The following ABR variants were observed in gnomAD, a reference collection of about 807,000 sequenced individuals.
The protein encoded by ABR is active breakpoint cluster region-related protein.
Under a neutral mutation model 107.2 loss-of-function variants are expected in ABR, and 35 were observed. The observed-to-expected ratio is 0.33, with a 90% CI of 0.25 to 0.43. ABR has a LOEUF of 0.43. ABR is among the 20% of genes least tolerant of loss of function. The probability of loss-of-function intolerance (pLI) is 1.00; values close to 1 mark genes in which losing one functional copy is unlikely to be tolerated. For synonymous variants in ABR, 498 were observed against 462.0 expected, an observed-to-expected ratio of 1.08 and a Z score of -1.00; for missense variants, 815 against 1,115.2, an observed-to-expected ratio of 0.73 and a Z score of 3.83.
chr17:1,213,877 GAT>G (rs2042949902), intron 1 of ABR, among the ~76,000 whole-genome samples: 1 of 151,930 alleles, frequency 6.6e-6, no homozygotes, highest in African/African-American at 2.4e-5. Context: ...ATTTTGGAGA[GAT>G]GTGAAATGGT....
intron 2 of ABR, among the ~76,000 whole-genome samples, chr17:1,113,001 G>A (rs1464004406): frequency 2.6e-5 from 4 of 151,954 alleles, no homozygotes; most frequent in Admixed American, 2.6e-4. Context: ...GACCCAATCA[G>A]CAAGCAGTTG....
At position 1,058,829 on chromosome 17, in the gene ABR, C is replaced by A; in HGVS notation, c.1221G>T (p.Leu407=). 1 of 1,614,158 alleles carries A rather than the reference C, an allele frequency of 6.2e-7. No individual in the cohort carries two copies. Among genetic ancestry groups the A allele is most frequent in the Non-Finnish European group, 8.5e-7 (1 of 1,180,032 alleles). The change falls in exon 11 of 23, where the codon CTG becomes CTT. Residue 407 remains leucine (L), a synonymous_variant. Coordinates refer to ENST00000302538, the MANE Select transcript of ABR (RefSeq NM_021962.5). ...NKGQSRAIER[L]KKKMFENEFL... is the part of the protein sequence containing the mutation. ...ACTCATTCTCAAACATCTTCTTCTT[C>A]AGGCGCTCGATGGCCCGGCTCTGGC...
At chr17:1,126,727 C>A (rs1054340297) in intron 1 of ABR, among the ~76,000 whole-genome samples, 3 of 152,226 alleles carry the variant, frequency 2.0e-5, no homozygotes, top group Non-Finnish European at 4.4e-5. Flanking sequence ...AGGTCACCCT[C>A]CCCATGGCAC....
chr17:1,065,732 C>G (rs1271755930), intron 10 of ABR, among the ~76,000 whole-genome samples: 4 of 141,904 alleles, frequency 2.8e-5, no homozygotes, highest in South Asian at 2.3e-4. Flanking sequence ...TTGAACTTTC[C>G]AAACCAATGC....
At chr17:1,206,297 G>A (rs968703251) in intron 1 of ABR, among the ~76,000 whole-genome samples, 11 of 152,160 alleles carry the variant, frequency 7.2e-5, no homozygotes, top group Admixed American at 2.0e-4. Context: ...GTGCACAACC[G>A]AGCATCCCTT....
At chr17:1,090,150 A>G (rs377302476) in intron 4 of ABR, among the ~76,000 whole-genome samples, 15 of 152,312 alleles carry the variant, frequency 9.8e-5, no homozygotes, top group African/African-American at 2.6e-4. Flanking sequence ...AGGACGTTTC[A>G]GGCACACGGG....
In ABR at chr17:1,011,826, G is replaced by C. The variant is rs375437072; in HGVS notation, c.2101+20C>G. The C allele has an allele frequency of 1.2e-4, 190 of 1,556,630 alleles. No homozygotes were observed. Among genetic ancestry groups the C allele is most frequent in the Non-Finnish European group, 1.6e-4 (187 of 1,144,318 alleles). On this transcript the variant is annotated intron_variant, in intron 19 of 22. Coordinates refer to ENST00000302538, the MANE Select transcript of ABR (RefSeq NM_021962.5). This position sits in a 1 kb window ranked among gnomAD's most constrained non-coding sequence, Gnocchi z 4.8. ...CTCAGACACAGCCACACCTGCCCCGGCTGGGCCTCCCAGACTCACTGGCAT... is the reference window on the plus strand; with the variant it reads ...CTCAGACACAGCCACACCTGCCCCGCCTGGGCCTCCCAGACTCACTGGCAT...
chr17:1,211,176 G>A (rs374204805), intron 1 of ABR, among the ~76,000 whole-genome samples: 1 of 152,344 alleles, frequency 6.6e-6, no homozygotes, highest in African/African-American at 2.4e-5. Flanking sequence ...CTACTCAGGA[G>A]GCTGAGGCAG....
intron 2 of ABR, among the ~76,000 whole-genome samples, chr17:1,121,897 G>T (rs1401011639): frequency 1.3e-5 from 2 of 152,166 alleles, no homozygotes; most frequent in Non-Finnish European, 2.9e-5. Context: ...CACAGCTAAA[G>T]AGTAGATTTT....
In ABR at chr17:1,040,894, C is replaced by T. The variant is rs115618275; in HGVS notation, c.1791+9156G>A. Among the ~76,000 whole-genome samples the T allele has an allele frequency of 4.4e-3, 672 of 152,330 alleles. 6 individuals are homozygous for T. The highest frequency in any genetic ancestry group is 0.015 in the African/African-American group (644 of 41,574). ...CTGTCTGGCCTCAAAACCCCGGCAA[C>T]ACTGGCTAACGATCCAAGTTCTCGT... On this transcript the variant is annotated intron_variant, in intron 16 of 22. Coordinates refer to ENST00000302538, the MANE Select transcript of ABR (RefSeq NM_021962.5).
intron 2 of ABR, among the ~76,000 whole-genome samples, chr17:1,120,453 G>A (rs2039297509): frequency 6.6e-6 from 1 of 151,926 alleles, no homozygotes; most frequent in Non-Finnish European, 1.5e-5. Context: ...TTTTGTGTAT[G>A]TTTTTAGTAG....
At position 1,224,711 on chromosome 17, in the gene ABR, G is replaced by A. The variant is rs1598155192; in HGVS notation, c.838+4082C>T. On this transcript the variant is annotated intron_variant, in intron 1 of 22. Coordinates refer to the ABR transcript ENST00000574139. ...TTTTTTAGAGACAGGGACTCGCTCT[G>A]TCACCCAGGCTGGAGTGCAGTGGCA... 2.0e-5 allele frequency among the ~76,000 whole-genome samples: 3 copies of A among 152,232 alleles called. No homozygotes were observed. In the South Asian group the frequency reaches 6.2e-4, roughly 32 times the overall value.
chr17:1,025,611 C>T (rs1019352100), intron 16 of ABR, among the ~76,000 whole-genome samples: 3 of 152,182 alleles, frequency 2.0e-5, no homozygotes, highest in African/African-American at 4.8e-5. Flanking sequence ...TGGACCTTGC[C>T]GGTTCTTTGG....
chr17:1,029,916 G>A (rs1325249120), intron 16 of ABR, among the ~76,000 whole-genome samples: 10 of 150,214 alleles, frequency 6.7e-5, no homozygotes, highest in African/African-American at 9.9e-5. Context: ...ACGTCCCTCC[G>A]TCCGCCACAG....
intron 1 of ABR, among the ~76,000 whole-genome samples, chr17:1,132,528 A>C (rs1230954394): frequency 6.6e-6 from 1 of 151,896 alleles, no homozygotes; most frequent in Admixed American, 6.6e-5. Flanking sequence ...ATAGGCATGC[A>C]CCACCATGCC....
chr17:1,211,344 A>T, intron 1 of ABR, among the ~76,000 whole-genome samples: 1 of 152,192 alleles, frequency 6.6e-6, no homozygotes, highest in East Asian at 1.9e-4. Context: ...TATGGATTCC[A>T]GGTTTTGCTC....
intron 1 of ABR, among the ~76,000 whole-genome samples, chr17:1,158,833 G>A (rs1171730402): frequency 6.6e-6 from 1 of 152,002 alleles, no homozygotes; most frequent in Non-Finnish European, 1.5e-5. Context: ...AGGACACAGA[G>A]GGCTGGCATG....
chr17:1,073,477 C>T, intron 7 of ABR, 148 bp downstream of exon 7: 1 of 602,444 alleles, frequency 1.7e-6, no homozygotes, highest in Non-Finnish European at 2.6e-6. Flanking sequence ...GGCATGGATA[C>T]CGCGGGCCAG....
chr17:1,050,080 C>A lies in ABR; in HGVS notation c.1761G>T (p.Val587=). The change falls in exon 16 of 23, where the codon GTG becomes GTT. Residue 587 remains valine, a synonymous_variant. Transcript: ENST00000302538. The surrounding 1 kb of genome is among the most constrained non-coding windows in gnomAD (Gnocchi z 4.6). ...TCTGTCCTTTGCCCATGATCTTGTC[C>A]ACGATCTCATTGTTGTCCTTGTTGA... ...TKVNKDNNEI[V]DKIMGKGQIQ... 1 of 1,614,146 alleles carries A rather than the reference C, an allele frequency of 6.2e-7. No homozygotes were observed. The highest frequency in any genetic ancestry group is 8.5e-7 in the Non-Finnish European group (1 of 1,180,008).
Sources: allele counts gnomAD v4.1 joint callset (sites outside exome capture counted in the v4.1 genomes callset), GRCh38; gene constraint gnomAD v4.1.1; non-coding constraint Gnocchi (gnomAD v3.1); transcripts MANE v1.5; gene names NCBI Gene and HGNC (gene_info 2026-07-23, HGNC 2026-07-21).